Variants in IRS1 observed in about 807,000 individuals in gnomAD.
The protein encoded by IRS1 is insulin receptor substrate 1.
Under a neutral mutation model 65.6 loss-of-function variants are expected in IRS1, and 34 were observed. The observed-to-expected ratio is 0.52, with a 90% CI of 0.39 to 0.69. The LOEUF (loss-of-function observed/expected upper bound fraction) is 0.69. Ranked by LOEUF, IRS1 falls within the 30% of genes least tolerant of loss-of-function variation. The pLI, the probability that IRS1 is intolerant of heterozygous loss-of-function variation, is 0.00. For synonymous variants in IRS1, 699 were observed against 683.5 expected, an observed-to-expected ratio of 1.02 and a Z score of -0.35; for missense variants, 1,641 against 1,720.2, an observed-to-expected ratio of 0.95 and a Z score of 0.81.
chr2:226,781,589 A>T (rs1423781610), intron 1 of IRS1, among the ~76,000 whole-genome samples: 11 of 152,188 alleles, frequency 7.2e-5, no homozygotes, highest in Non-Finnish European at 8.8e-5. Context: ...GGTGGGAAGC[A>T]GGCTTTGAAG....
intron 1 of IRS1, among the ~76,000 whole-genome samples, chr2:226,769,593 A>G (rs1939125325): frequency 6.6e-6 from 1 of 152,202 alleles, no homozygotes; most frequent in Non-Finnish European, 1.5e-5. Flanking sequence ...AGGCTTAGAA[A>G]CTTAACTTTC....
intron 1 of IRS1, among the ~76,000 whole-genome samples, chr2:226,740,852 A>T (rs2106158032): frequency 6.6e-6 from 1 of 152,302 alleles, no homozygotes; most frequent in Middle Eastern, 3.4e-3. Flanking sequence ...GACCGTAGTG[A>T]TGACCTTTTT....
chr2:226,780,385 C>A (rs1162603090), intron 1 of IRS1, among the ~76,000 whole-genome samples: 1 of 151,854 alleles, frequency 6.6e-6, no homozygotes, highest in Non-Finnish European at 1.5e-5. Context: ...GCATGATATT[C>A]CATGTCAAAT....
At chr2:226,765,423 G>A (rs1939013078) in intron 1 of IRS1, among the ~76,000 whole-genome samples, 1 of 152,176 alleles carries the variant, frequency 6.6e-6, no homozygotes, top group South Asian at 2.1e-4. Flanking sequence ...AGGGTACTCT[G>A]TGCATCCTAC....
chr2:226,766,121 T>TTTTATATA (rs1491160572), intron 1 of IRS1, among the ~76,000 whole-genome samples: 3 of 14,244 alleles, frequency 2.1e-4, no homozygotes, highest in Admixed American at 1.2e-3. Flanking sequence ...TCTCTTAATC[T>TTTTATATA]TATATATATA....
intron 1 of IRS1, among the ~76,000 whole-genome samples, chr2:226,745,524 A>C (rs974599842): frequency 1.3e-5 from 2 of 152,214 alleles, no homozygotes; most frequent in Admixed American, 1.3e-4. Context: ...CCCATCTCTC[A>C]GTGTTCTTTT....
chr2:226,763,204 C>T (rs531829092), intron 1 of IRS1, among the ~76,000 whole-genome samples: 2 of 152,238 alleles, frequency 1.3e-5, no homozygotes, highest in South Asian at 4.2e-4. Context: ...GCTGGAGGGG[C>T]ATCTTAGTTT....
At position 226,797,257 on chromosome 2, in the gene IRS1, G is replaced by A. The variant is rs1939753584; in HGVS notation, c.1482C>T (p.Cys494=). 1 of 1,613,620 alleles carries A rather than the reference G, an allele frequency of 6.2e-7. No individual in the cohort carries two copies. The highest frequency in any genetic ancestry group is 8.5e-7 in the Non-Finnish European group (1 of 1,179,978). ...ILSRGGNGHR[C]TPGTGLGTSP... is the part of the protein sequence containing the mutation. ...TCGTGCCCAAGCCTGTTCCTGGGGT[G>A]CAGCGGTGGCCATTGCCACCCCGAG... Residue 494 remains cysteine, a synonymous_variant, in exon 1 of 2, where the codon TGC becomes TGT. Transcript: ENST00000305123. The surrounding 1 kb of genome is among the most constrained non-coding windows in gnomAD (Gnocchi z 8.1).
At chr2:226,785,016 T>A (rs1416425565) in intron 1 of IRS1, among the ~76,000 whole-genome samples, 2 of 152,234 alleles carry the variant, frequency 1.3e-5, no homozygotes, top group African/African-American at 2.4e-5. Flanking sequence ...ATAAATTTCA[T>A]TAATTAGTTG....
At chr2:226,784,960 G>A (rs1008994527) in intron 1 of IRS1, among the ~76,000 whole-genome samples, 1 of 152,150 alleles carries the variant, frequency 6.6e-6, no homozygotes, top group Non-Finnish European at 1.5e-5. Context: ...CCTGTCCAGT[G>A]TTAATAACTT....
chr2:226,795,121 G>A lies in IRS1; in HGVS notation c.3618C>T (p.Pro1206=). The stretch of plus-strand genomic sequence containing the variant: ...CACCGCTGCCCAGGGGTTGATGAGG[G>A]GGTGGGGGTGGGGGAGGCTGCGGTT... ...TPEPQPPPPP[P]PHQPLGSGES... is the part of the protein sequence containing the mutation. The change falls in exon 1 of 2, where the codon CCC becomes CCT. Residue 1206 remains proline (P), a synonymous_variant. Coordinates refer to ENST00000305123, the MANE Select transcript of IRS1 (RefSeq NM_005544.3). 3 of 1,609,556 alleles carry A rather than the reference G, an allele frequency of 1.9e-6. No homozygotes were observed. Among genetic ancestry groups the A allele is most frequent in the African/African-American group, 1.3e-5 (1 of 74,806 alleles).
intron 1 of IRS1, among the ~76,000 whole-genome samples, chr2:226,757,565 A>C (rs183381117): frequency 5.9e-5 from 9 of 152,304 alleles, no homozygotes; most frequent in Admixed American, 6.5e-5. Flanking sequence ...CAGTGAGCCA[A>C]GGAAAGAAAT....
At chr2:226,771,737 A>G (rs1939169597) in intron 1 of IRS1, among the ~76,000 whole-genome samples, 2 of 152,138 alleles carry the variant, frequency 1.3e-5, no homozygotes, top group South Asian at 4.1e-4. Flanking sequence ...TCTGTCAAAG[A>G]GTGCTGAGAC....
intron 1 of IRS1, among the ~76,000 whole-genome samples, chr2:226,789,443 G>A (rs1349576428): frequency 6.6e-6 from 1 of 152,174 alleles, no homozygotes; most frequent in South Asian, 2.1e-4. Flanking sequence ...GCCAGCAAGA[G>A]AAATATTGAG....
chr2:226,799,005 C>A lies in IRS1; in HGVS notation c.-267G>T. On this transcript the variant is annotated 5_prime_UTR_variant, in exon 1 of 2. Coordinates refer to ENST00000305123, the MANE Select transcript of IRS1 (RefSeq NM_005544.3). The surrounding 1 kb of genome is among the most constrained non-coding windows in gnomAD (Gnocchi z 6.1). ...AGTGCGTCCGGGGTGAGGGCAGCCC[C>A]GATCCTCCGAGAGCCAAGTCTCCTC... The A allele has an allele frequency of 7.0e-7, 1 of 1,420,592 alleles. No individual in the cohort carries two copies. 88.0% of individuals were successfully genotyped at this position (1,420,592 alleles called of 1,614,324 possible). A position where few individuals can be genotyped will look rare whatever the true frequency, so the allele number is the denominator to read the frequency against.
chr2:226,758,990 G>A (rs1197319091), intron 1 of IRS1, among the ~76,000 whole-genome samples: 1 of 152,212 alleles, frequency 6.6e-6, no homozygotes, highest in African/African-American at 2.4e-5. Context: ...GGAATAAGTG[G>A]TTGTGTGATT....
At position 226,794,021 on chromosome 2, in the gene IRS1, A is replaced by G. The variant is rs1392203292; in HGVS notation, c.*21+968T>C. ...ATAACCCTAAAAGTGGAGGGTATAC[A>G]GTTTAGCCCTTCTACTCAATGCAAA... On this transcript the variant is annotated intron_variant, in intron 1 of 1. Coordinates refer to ENST00000305123, the MANE Select transcript of IRS1 (RefSeq NM_005544.3). This position sits in a 1 kb window ranked among gnomAD's most constrained non-coding sequence, Gnocchi z 4.1. Among the ~76,000 whole-genome samples, 1 of 152,246 alleles carries G rather than the reference A, an allele frequency of 6.6e-6. No individual in the cohort carries two copies. Among genetic ancestry groups the G allele is most frequent in the Non-Finnish European group, 1.5e-5 (1 of 68,040 alleles).
chr2:226,766,822 C>T (rs993221253), intron 1 of IRS1, among the ~76,000 whole-genome samples: 8 of 152,274 alleles, frequency 5.3e-5, no homozygotes, highest in African/African-American at 1.9e-4. Context: ...CACTCTCTTG[C>T]CACCATTCCA....
intron 1 of IRS1, among the ~76,000 whole-genome samples, chr2:226,768,917 G>A (rs371806574): frequency 2.6e-5 from 4 of 152,142 alleles, no homozygotes; most frequent in Admixed American, 2.6e-4. Context: ...TTACAGGCGT[G>A]AGCCACCGCA....
Sources: allele counts gnomAD v4.1 joint callset (sites outside exome capture counted in the v4.1 genomes callset), GRCh38; gene constraint gnomAD v4.1.1; non-coding constraint Gnocchi (gnomAD v3.1); transcripts MANE v1.5; gene names NCBI Gene and HGNC (gene_info 2026-07-23, HGNC 2026-07-21).